The following FRMD3 variants were observed in gnomAD, a reference collection of about 807,000 sequenced individuals.
FRMD3 encodes FERM domain containing 3.
A neutral mutation model predicts 70.2 loss-of-function variants in FRMD3; 33 were observed. The observed-to-expected ratio is 0.47, with a 90% CI of 0.36 to 0.63. The LOEUF (loss-of-function observed/expected upper bound fraction) is 0.63. Ranked by LOEUF, FRMD3 falls within the 20% of genes least tolerant of loss-of-function variation. FRMD3 has a pLI of 0.00. For missense variants in FRMD3, 632 were observed against 711.4 expected (o/e 0.89, Z 1.27); for synonymous variants, 279 against 255.9 (o/e 1.09, Z -0.86).
chr9:83,394,170 G>A (rs1377558684), intron 1 of FRMD3, among the ~76,000 whole-genome samples: 1 of 151,988 alleles, frequency 6.6e-6, no homozygotes, highest in Non-Finnish European at 1.5e-5. Flanking sequence ...ACAATTTTTA[G>A]TGTGCGTTGG....
In FRMD3 at chr9:83,538,286, T is replaced by TGC. The variant is rs1487302863; in HGVS notation, c.-57_-56dup. 6.6e-7 allele frequency: 1 copy of TGC among 1,514,326 alleles called. No homozygotes were observed. Among genetic ancestry groups the TGC allele is most frequent in the East Asian group, 2.5e-5 (1 of 40,538 alleles). The allele number at this position is 1,514,326 out of a possible 1,614,324, so 93.8% of individuals were successfully genotyped here. A position where few individuals can be genotyped will look rare whatever the true frequency, so the allele number is the denominator to read the frequency against. ...GCTCAGGGCCGGCGCGGTGCTCGCC[T>TGC]GCGCGGACACACACGCTCGCACGCA... On this transcript the variant is annotated 5_prime_UTR_variant, in exon 1 of 14. Coordinates refer to ENST00000304195, the MANE Select transcript of FRMD3 (RefSeq NM_174938.6). This position sits in a 1 kb window ranked among gnomAD's most constrained non-coding sequence, Gnocchi z 4.7.
chr9:83,312,691 G>A (rs993991838), intron 7 of FRMD3, among the ~76,000 whole-genome samples: 7 of 152,278 alleles, frequency 4.6e-5, no homozygotes, highest in South Asian at 2.1e-4. Flanking sequence ...CTGGCTCTCC[G>A]CCTTGGCTGC....
intron 3 of FRMD3, among the ~76,000 whole-genome samples, chr9:83,364,385 C>A (rs546520677): frequency 3.9e-5 from 6 of 152,100 alleles, no homozygotes; most frequent in African/African-American, 1.4e-4. Flanking sequence ...GGCAAAACCC[C>A]GTATCTTCTA....
Position 83,537,184 on chromosome 9 carries a change from A to G in FRMD3, c.147+901T>C, listed in dbSNP as rs1216323403. ...TGCACACGCACGCGCAACCACATGC[A>G]CACACACACCTTTGCACCTCACACT... On this transcript the variant is annotated intron_variant, in intron 1 of 13. Coordinates refer to ENST00000304195, the MANE Select transcript of FRMD3 (RefSeq NM_174938.6). The surrounding 1 kb of genome is among the most constrained non-coding windows in gnomAD (Gnocchi z 4.1). Among the ~76,000 whole-genome samples the G allele has an allele frequency of 6.6e-6, 1 of 151,986 alleles. No homozygotes were observed. Among genetic ancestry groups the G allele is most frequent in the Non-Finnish European group, 1.5e-5 (1 of 67,996 alleles).
intron 1 of FRMD3, among the ~76,000 whole-genome samples, chr9:83,422,877 C>T (rs532655891): frequency 5.3e-5 from 8 of 152,332 alleles, no homozygotes; most frequent in African/African-American, 1.7e-4. Flanking sequence ...CTTAAACCAT[C>T]ACAGTAACAA....
chr9:83,420,420 C>T lies in FRMD3; in HGVS notation c.148-30712G>A, dbSNP rs142412741. 3.3e-5 allele frequency among the ~76,000 whole-genome samples: 5 copies of T among 152,330 alleles called. No homozygotes were observed. In the East Asian group the frequency reaches 9.6e-4, roughly 29 times the overall value. On this transcript the variant is annotated intron_variant, in intron 1 of 13. Coordinates refer to ENST00000304195, the MANE Select transcript of FRMD3 (RefSeq NM_174938.6). ...TACATTATTCAGATTAACAAATATA[C>T]ATATCCCATGATCATTCCCAAATCA...
chr9:83,396,107 C>T (rs1825804553), intron 1 of FRMD3, among the ~76,000 whole-genome samples: 1 of 152,154 alleles, frequency 6.6e-6, no homozygotes, highest in African/African-American at 2.4e-5. Flanking sequence ...TGTTTGTTTA[C>T]AGGGCTGTCA....
At chr9:83,303,670 A>T (rs780517068) in intron 10 of FRMD3, among the ~76,000 whole-genome samples, 1 of 152,246 alleles carries the variant, frequency 6.6e-6, no homozygotes, top group African/African-American at 2.4e-5. Context: ...TAGGTTCCTC[A>T]TCCCAGATTC....
chr9:83,288,468 A>C (rs1323780), intron 13 of FRMD3, among the ~76,000 whole-genome samples: 128,966 of 152,226 alleles, frequency 0.85, 56,158 homozygotes, highest in East Asian at 0.97. Context: ...AGTCTATATC[A>C]TGAAAGTTGT....
At chr9:83,354,384 G>A (rs1432456261) in intron 3 of FRMD3, among the ~76,000 whole-genome samples, 1 of 152,126 alleles carries the variant, frequency 6.6e-6, no homozygotes, top group East Asian at 1.9e-4. Flanking sequence ...CATTATCCTA[G>A]GCAAATTAAC....
At chr9:83,504,103 G>C (rs954999916) in intron 1 of FRMD3, among the ~76,000 whole-genome samples, 2 of 152,156 alleles carry the variant, frequency 1.3e-5, no homozygotes, top group African/African-American at 2.4e-5. Context: ...GTACTGCTCT[G>C]TGGTGATAGC....
the FRMD3 span, among the ~76,000 whole-genome samples, chr9:83,567,120 A>C: frequency 6.6e-6 from 1 of 152,252 alleles, no homozygotes. Flanking sequence ...ATCTAGGCAG[A>C]GGTTCCCAAA....
At chr9:83,299,040 C>A in intron 11 of FRMD3, 72 bp downstream of exon 11, 3 of 1,179,732 alleles carry the variant, frequency 2.5e-6, no homozygotes, top group Non-Finnish European at 3.8e-6. Context: ...CACTTATTTG[C>A]AAGCAGAATT....
At chr9:83,276,220 A>G (rs1833788141) in intron 13 of FRMD3, 3 of 152,288 alleles carry the variant, frequency 2.0e-5, no homozygotes, top group East Asian at 1.9e-4. Context: ...ACTGACTCCA[A>G]TTAGAACAGC....
chr9:83,405,548 G>A (rs979453669), intron 1 of FRMD3, among the ~76,000 whole-genome samples: 13 of 151,898 alleles, frequency 8.6e-5, no homozygotes, highest in Admixed American at 5.3e-4. Flanking sequence ...GATCACCTGA[G>A]GTTGGGAGTT....
At chr9:83,423,975 A>G (rs1440804439) in intron 1 of FRMD3, among the ~76,000 whole-genome samples, 1 of 152,178 alleles carries the variant, frequency 6.6e-6, no homozygotes, top group African/African-American at 2.4e-5. Flanking sequence ...GAACATCTCT[A>G]TCATCACAGA....
chr9:83,332,083 T>A, intron 6 of FRMD3: 1 of 572,964 alleles, frequency 1.7e-6, no homozygotes, highest in Non-Finnish European at 3.1e-6. Context: ...CAGAGCAGAG[T>A]CAAGAAGAAG....
chr9:83,307,975 C>T (rs902942426), intron 10 of FRMD3, among the ~76,000 whole-genome samples: 3 of 152,150 alleles, frequency 2.0e-5, no homozygotes, highest in African/African-American at 7.2e-5. Context: ...GGTCTCCTTC[C>T]TTATCAGTCC....
intron 2 of FRMD3, among the ~76,000 whole-genome samples, chr9:83,380,280 G>C (rs1337717361): frequency 6.6e-6 from 1 of 152,154 alleles, no homozygotes; most frequent in Non-Finnish European, 1.5e-5. Flanking sequence ...GCAGTTTCAA[G>C]AGAAAGAAGA....
Sources: allele counts gnomAD v4.1 joint callset (sites outside exome capture counted in the v4.1 genomes callset), GRCh38; gene constraint gnomAD v4.1.1; non-coding constraint Gnocchi (gnomAD v3.1); transcripts MANE v1.5; gene names NCBI Gene and HGNC (gene_info 2026-07-23, HGNC 2026-07-21).